Variants in PLGRKT observed in about 807,000 individuals in gnomAD.
PLGRKT encodes the protein plasminogen receptor (KT).
Under a neutral mutation model 18.5 loss-of-function variants are expected in PLGRKT, and 22 were observed. The ratio of observed to expected loss-of-function variants is 1.19; its 90% CI spans 0.85 to 1.70. The LOEUF is 1.70. Among genes scored for constraint, PLGRKT ranks in the 40% most tolerant of loss-of-function variants. The pLI is 0.00. For missense variants in PLGRKT, 235 were observed against 174.4 expected, an observed-to-expected ratio of 1.35 and a Z score of -1.96; for synonymous variants, 72 against 52.8, an observed-to-expected ratio of 1.36 and a Z score of -1.58.
rs145469937 is a variant in PLGRKT at position 5,416,652 on chromosome 9, A to G, written c.81+15245T>C. On this transcript the variant is annotated intron_variant, in intron 3 of 5. Transcript: ENST00000223864. The stretch of plus-strand genomic sequence containing the variant: ...ATTATAGCTTGAAGGAGGAAAACAA[A>G]AAAAAAAGCTTTCTGATGGTTACTG... Among the ~76,000 whole-genome samples, 215 of 152,304 alleles carry G rather than the reference A, an allele frequency of 1.4e-3. 1 individual carries two copies. The highest frequency in any genetic ancestry group is 5.0e-3 in the African/African-American group (207 of 41,586).
At chr9:5,373,873 C>T (rs1468948141) in intron 3 of PLGRKT, among the ~76,000 whole-genome samples, 1 of 152,150 alleles carries the variant, frequency 6.6e-6, no homozygotes, top group Non-Finnish European at 1.5e-5. Flanking sequence ...GCAAGTCTTG[C>T]TCCCCTCCCA....
chr9:5,375,783 T>C (rs1340423201), intron 3 of PLGRKT, among the ~76,000 whole-genome samples: 1 of 152,090 alleles, frequency 6.6e-6, no homozygotes, highest in Non-Finnish European at 1.5e-5. Flanking sequence ...CTGTGGAAAA[T>C]GGTAAGGTGA....
chr9:5,409,066 G>A (rs935652643), intron 3 of PLGRKT, among the ~76,000 whole-genome samples: 4 of 152,226 alleles, frequency 2.6e-5, no homozygotes, highest in Admixed American at 6.5e-5. Context: ...CCTGCTGCAG[G>A]GGGAGATTCC....
chr9:5,404,933 G>A (rs1254049226), intron 3 of PLGRKT, among the ~76,000 whole-genome samples: 3 of 152,144 alleles, frequency 2.0e-5, no homozygotes, highest in Non-Finnish European at 4.4e-5. Flanking sequence ...AGCAAAGTCT[G>A]AGGATGCAAA....
At chr9:5,390,341 A>C (rs987470807) in intron 3 of PLGRKT, among the ~76,000 whole-genome samples, 15 of 151,628 alleles carry the variant, frequency 9.9e-5, no homozygotes, top group African/African-American at 3.7e-4. Flanking sequence ...TTTTATCAGA[A>C]TTTATCAAGG....
intron 3 of PLGRKT, among the ~76,000 whole-genome samples, chr9:5,405,866 A>G (rs1258681589): frequency 6.6e-6 from 1 of 152,210 alleles, no homozygotes; most frequent in Non-Finnish European, 1.5e-5. Flanking sequence ...CCATCTGACA[A>G]AGGTCTAATA....
intron 3 of PLGRKT, among the ~76,000 whole-genome samples, chr9:5,417,641 A>C (rs964625945): frequency 1.3e-5 from 2 of 148,612 alleles, no homozygotes; most frequent in African/African-American, 2.5e-5. Context: ...TAGTATCCAT[A>C]ATATGTAAAG....
intron 3 of PLGRKT, among the ~76,000 whole-genome samples, chr9:5,388,957 T>A (rs1817895247): frequency 6.6e-6 from 1 of 152,012 alleles, no homozygotes. Context: ...CAGCTGAAGG[T>A]ACCAGGAAAA....
chr9:5,358,276 G>C lies in PLGRKT; in HGVS notation c.407C>G (p.Ala136Gly). The change falls in exon 6 of 6, where the codon GCC becomes GGC. Residue 136 changes from alanine (A) to glycine (G), a missense_variant. Physicochemically the swap from Ala to Gly is moderately conservative, Grantham distance 60. Transcript: ENST00000223864. Reference sequence around the variant, plus strand: ...GAAGAATCTACTCTGTTCCTTTCTGGCTTTTTCAATGCTTTCAAAAGTGAT... The same window carrying C: ...GAAGAATCTACTCTGTTCCTTTCTGCCTTTTTCAATGCTTTCAAAAGTGAT... ...GMITFESIEK[A>G]RKEQSRFFID... The C allele has an allele frequency of 6.2e-7, 1 of 1,609,106 alleles. No homozygotes were observed.
At chr9:5,393,482 A>G (rs1483315840) in intron 3 of PLGRKT, among the ~76,000 whole-genome samples, 1 of 151,948 alleles carries the variant, frequency 6.6e-6, no homozygotes, top group African/African-American at 2.4e-5. Flanking sequence ...TCTTGTTACT[A>G]TACCTTTCAA....
chr9:5,430,665 T>G (rs891019843), intron 3 of PLGRKT, among the ~76,000 whole-genome samples: 18 of 152,140 alleles, frequency 1.2e-4, no homozygotes, highest in African/African-American at 4.3e-4. Context: ...TAGTCAAGGG[T>G]GGGACTGGGA....
At chr9:5,432,897 C>T (rs1156893578) in intron 2 of PLGRKT, among the ~76,000 whole-genome samples, 5 of 152,186 alleles carry the variant, frequency 3.3e-5, no homozygotes, top group Non-Finnish European at 7.4e-5. Context: ...GCTAAGATTA[C>T]AGCCTCTGCC....
chr9:5,403,274 A>G (rs901297135), intron 3 of PLGRKT, among the ~76,000 whole-genome samples: 1 of 140,308 alleles, frequency 7.1e-6, no homozygotes. Flanking sequence ...CCCAAGCTGG[A>G]GTACAATGGT....
chr9:5,365,935 C>A (rs2099842690), intron 3 of PLGRKT, among the ~76,000 whole-genome samples: 1 of 152,078 alleles, frequency 6.6e-6, no homozygotes, highest in African/African-American at 2.4e-5. Context: ...TTATGAAAAT[C>A]AGCAAGGTTG....
intron 3 of PLGRKT, among the ~76,000 whole-genome samples, chr9:5,408,009 T>C (rs1482267663): frequency 1.3e-5 from 2 of 152,192 alleles, no homozygotes; most frequent in Non-Finnish European, 2.9e-5. Flanking sequence ...GTCCAGGACA[T>C]GGAATTTAAC....
intron 3 of PLGRKT, among the ~76,000 whole-genome samples, chr9:5,371,827 T>C (rs558603275): frequency 1.3e-5 from 2 of 151,954 alleles, no homozygotes; most frequent in African/African-American, 4.8e-5. Context: ...ACATATTTCA[T>C]AGTATGATAG....
At chr9:5,397,855 T>C (rs1288649162) in intron 3 of PLGRKT, among the ~76,000 whole-genome samples, 1 of 151,978 alleles carries the variant, frequency 6.6e-6, no homozygotes, top group Non-Finnish European at 1.5e-5. Flanking sequence ...CTTGCTCCTC[T>C]TCTCTATCTC....
chr9:5,373,794 A>G (rs1429366176), intron 3 of PLGRKT, among the ~76,000 whole-genome samples: 1 of 149,426 alleles, frequency 6.7e-6, no homozygotes, highest in Non-Finnish European at 1.5e-5. Context: ...GAAAAAGAAG[A>G]AAAAAAAAAG....
At chr9:5,403,224 CTTT>C (rs34557029) in intron 3 of PLGRKT, among the ~76,000 whole-genome samples, 2 of 135,134 alleles carry the variant, frequency 1.5e-5, no homozygotes, top group Non-Finnish European at 3.2e-5. Flanking sequence ...ATTCTTTTTT[CTTT>C]TTTTTTTTTT....
Sources: allele counts gnomAD v4.1 joint callset (sites outside exome capture counted in the v4.1 genomes callset), GRCh38; gene constraint gnomAD v4.1.1; transcripts MANE v1.5; gene names NCBI Gene and HGNC (gene_info 2026-07-23, HGNC 2026-07-21).